The following SBNO2 variants were observed in gnomAD, a reference collection of about 807,000 sequenced individuals.
The protein encoded by SBNO2 is protein strawberry notch homolog 2.
SBNO2 carries 89 observed loss-of-function variants against 146.3 expected under a neutral mutation model. That is an observed-to-expected ratio of 0.61 (90% confidence interval 0.51 to 0.73). SBNO2 has a LOEUF of 0.73. Among genes scored for constraint, SBNO2 ranks in the 30% least tolerant of loss-of-function variants. The pLI is 0.00. For synonymous variants in SBNO2, 1,147 were observed against 892.6 expected (o/e 1.29, Z -5.08); for missense variants, 2,092 against 2,003.7 (o/e 1.04, Z -0.84).
At chr19:1,135,334 C>T (rs1039736284) in intron 4 of SBNO2, among the ~76,000 whole-genome samples, 8 of 152,348 alleles carry the variant, frequency 5.3e-5, no homozygotes, top group African/African-American at 1.4e-4. Context: ...TGCACTCCAG[C>T]CTGGGCAACA....
intron 1 of SBNO2, among the ~76,000 whole-genome samples, chr19:1,164,640 AGG>A (rs1568644118): frequency 1.6e-4 from 22 of 139,376 alleles, no homozygotes; most frequent in Non-Finnish European, 2.5e-4. Context: ...GAGGAGGAGG[AGG>A]AGGAACAGGA....
At position 1,122,965 on chromosome 19, in the gene SBNO2, T is replaced by A; in HGVS notation, c.709A>T (p.Thr237Ser). The A allele has an allele frequency of 1.3e-6, 2 of 1,569,526 alleles. No homozygotes were observed. Among genetic ancestry groups the A allele is most frequent in the Middle Eastern group, 1.7e-4 (1 of 6,012 alleles). ...CCGCTGTCCGAGGGCAGGGCCAGGG[T>A]GTAGGTGATGTCTGGGGGTGGGACG... ...SSVPPPDITY[T>S]LALPSDSGAL... Residue 237 changes from threonine (T) to serine (S), a missense_variant, in exon 8 of 32, where the codon ACC becomes TCC. Thr to Ser is a moderately conservative substitution (Grantham distance 58, BLOSUM62 1). Transcript: ENST00000361757.
At chr19:1,124,749 G>A (rs111675643) in intron 5 of SBNO2, among the ~76,000 whole-genome samples, 1,978 of 152,316 alleles carry the variant, frequency 0.013, 20 homozygotes, top group Non-Finnish European at 0.017. Flanking sequence ...ATTCACCAGG[G>A]TGGGCAGTGA....
intron 4 of SBNO2, among the ~76,000 whole-genome samples, chr19:1,141,276 G>C (rs1308549393): frequency 6.6e-6 from 1 of 151,792 alleles, no homozygotes; most frequent in Non-Finnish European, 1.5e-5. Flanking sequence ...ATGCAGTGGC[G>C]CAATCTCGGC....
rs113371241 is a variant in SBNO2 at position 1,109,235 on chromosome 19, C to G, written c.3349-24G>C. Reference sequence around the variant, plus strand: ...ACCTAGGGACACAGGGCCGCATGAGCCTGGGCGGGGTCAGGGCCGGCAACC... The same window carrying G: ...ACCTAGGGACACAGGGCCGCATGAGGCTGGGCGGGGTCAGGGCCGGCAACC... On this transcript the variant is annotated intron_variant, in intron 29 of 31. Transcript: ENST00000361757. The surrounding 1 kb of genome is among the most constrained non-coding windows in gnomAD (Gnocchi z 4.2). 30 of 1,571,512 alleles carry G rather than the reference C, an allele frequency of 1.9e-5. 1 individual carries two copies. The African/African-American group carries it at 2.4e-4, about 13-fold the overall frequency.
intron 4 of SBNO2, 55 bp downstream of exon 4, chr19:1,147,254 G>T: frequency 8.2e-7 from 1 of 1,214,622 alleles, no homozygotes; most frequent in Non-Finnish European, 1.2e-6. Flanking sequence ...AGCTGGAGGG[G>T]CGGCCCAGAC....
intron 4 of SBNO2, among the ~76,000 whole-genome samples, chr19:1,145,485 AAAAG>A (rs1264948813): frequency 3.3e-4 from 50 of 151,538 alleles, no homozygotes; most frequent in Admixed American, 1.8e-3. Context: ...AAAAAAAAAA[AAAAG>A]AAAGAAAGAA....
chr19:1,156,870 C>G (rs1489615528), intron 1 of SBNO2, among the ~76,000 whole-genome samples: 2 of 152,188 alleles, frequency 1.3e-5, no homozygotes, highest in Admixed American at 1.3e-4. Flanking sequence ...AGTCCCCCCA[C>G]AACCCAACAC....
At chr19:1,172,781 C>CCG (rs1204936613) in intron 1 of SBNO2, among the ~76,000 whole-genome samples, 1 of 82,364 alleles carries the variant, frequency 1.2e-5, no homozygotes, top group Non-Finnish European at 2.4e-5. Flanking sequence ...TGCAACCGCC[C>CCG]CCCCCGCCCC....
At chr19:1,120,113 G>C in intron 11 of SBNO2, 90 bp from the exon 12 acceptor site, 1 of 1,015,878 alleles carries the variant, frequency 9.8e-7, no homozygotes, top group Non-Finnish European at 1.5e-6. Flanking sequence ...CACCTTCCTG[G>C]TGGGGGGCAA....
At position 1,112,638 on chromosome 19, in the gene SBNO2, C is replaced by T. The variant is rs1014519263; in HGVS notation, c.2380-101G>A. 3.9e-5 allele frequency: 57 copies of T among 1,458,012 alleles called. No homozygotes were observed. The African/African-American group carries it at 6.4e-4, about 16-fold the overall frequency. 90.3% of individuals were successfully genotyped at this position (1,458,012 alleles called of 1,614,324 possible). The stretch of plus-strand genomic sequence containing the variant: ...AGGCCCCCGCTCCAGGTCACCAGGA[C>T]GTCCCGGGGCAGCGAGAGGCCTGCG... On this transcript the variant is annotated intron_variant, in intron 20 of 31. Transcript: ENST00000361757. The surrounding 1 kb of genome is among the most constrained non-coding windows in gnomAD (Gnocchi z 5.9).
chr19:1,125,666 ACT>A (rs112263543), intron 5 of SBNO2, among the ~76,000 whole-genome samples: 3,811 of 143,690 alleles, frequency 0.027, 164 homozygotes, highest in African/African-American at 0.092. Flanking sequence ...AGAGCGAGAG[ACT>A]CTGTCTTAAA....
intron 1 of SBNO2, among the ~76,000 whole-genome samples, chr19:1,171,154 C>T (rs2080473525): frequency 6.6e-6 from 1 of 151,880 alleles, no homozygotes; most frequent in African/African-American, 2.4e-5. Flanking sequence ...ACCCATAAAA[C>T]ACACGCGTAT....
At chr19:1,132,074 G>T (rs1211721073) in intron 4 of SBNO2, 2 of 1,519,500 alleles carry the variant, frequency 1.3e-6, no homozygotes, top group Non-Finnish European at 8.8e-7. Context: ...CGCCCGCCCC[G>T]GGAAGGGAGT....
At position 1,129,542 on chromosome 19, in the gene SBNO2, G is replaced by C. The variant is rs559631095; in HGVS notation, c.280-1777C>G. On this transcript the variant is annotated intron_variant, in intron 4 of 31. Transcript: ENST00000361757. ...GAGGGTAGGAGCAGTCCACCTCCCAGAGCCTCTGGAGGCCCCGATCGGCAG... is the reference window on the plus strand; with the variant it reads ...GAGGGTAGGAGCAGTCCACCTCCCACAGCCTCTGGAGGCCCCGATCGGCAG... Among the ~76,000 whole-genome samples the C allele has an allele frequency of 9.2e-5, 14 of 152,270 alleles. No homozygotes were observed. In the South Asian group the frequency reaches 2.9e-3, roughly 32 times the overall value.
intron 18 of SBNO2, 136 bp from the exon 19 acceptor site, chr19:1,113,840 C>T (rs1263631806): frequency 8.5e-7 from 1 of 1,178,158 alleles, no homozygotes; most frequent in Non-Finnish European, 1.1e-6. Flanking sequence ...GCGGGGAAGC[C>T]CGGCACCGTG....
chr19:1,122,507 G>A lies in SBNO2; in HGVS notation c.966C>T (p.Asp322=). ...LKYDAERDLR[D]IEATGIAVHA... ...GCACCGCGATGCCCGTGGCTTCGAT[G>A]TCCCGCAGGTCGCGCTCCGCATCGT... The change falls in exon 10 of 32, where the codon GAC becomes GAT. Residue 322 remains aspartate (D), a synonymous_variant. Transcript: ENST00000361757. The A allele has an allele frequency of 6.4e-7, 1 of 1,569,450 alleles. No individual in the cohort carries two copies.
intron 4 of SBNO2, among the ~76,000 whole-genome samples, chr19:1,134,203 C>T (rs1191441925): frequency 6.6e-6 from 1 of 151,262 alleles, no homozygotes; most frequent in African/African-American, 2.4e-5. Flanking sequence ...ACTCACAGCT[C>T]ACAGGTGGAC....
intron 19 of SBNO2, 80 bp downstream of exon 19, chr19:1,113,455 G>C: frequency 4.7e-6 from 6 of 1,273,400 alleles, no homozygotes; most frequent in Middle Eastern, 2.7e-4. Context: ...GGGGCCACCA[G>C]AGCTGCACAC....
Sources: gnomAD v4.1 joint callset for allele counts (sites outside exome capture counted in the v4.1 genomes callset) on GRCh38, gnomAD v4.1.1 for gene constraint, Gnocchi (gnomAD v3.1) non-coding constraint, MANE v1.5 for transcripts, NCBI Gene and HGNC (gene_info 2026-07-23, HGNC 2026-07-21) for gene names.